The following WWC1 variants were observed in gnomAD, a reference collection of about 807,000 sequenced individuals.
The protein encoded by WWC1 is WW and C2 domain containing 1.
WWC1 carries 55 observed loss-of-function variants against 138.4 expected under a neutral mutation model. That is an observed-to-expected ratio of 0.40 (90% confidence interval 0.32 to 0.50). WWC1 has a LOEUF of 0.50. WWC1 is among the 20% of genes least tolerant of loss of function. WWC1 has a pLI of 0.72. For synonymous variants in WWC1, 524 were observed against 564.9 expected (o/e 0.93, Z 1.03); for missense variants, 1,226 against 1,420.4 (o/e 0.86, Z 2.20).
At chr5:168,403,187 T>A (rs571317456) in intron 5 of WWC1, among the ~76,000 whole-genome samples, 2 of 152,058 alleles carry the variant, frequency 1.3e-5, no homozygotes, top group South Asian at 2.1e-4. Flanking sequence ...AACCTCCGCC[T>A]CCCAGGTCCA....
intron 2 of WWC1, among the ~76,000 whole-genome samples, chr5:168,382,449 T>C (rs1777712582): frequency 6.6e-6 from 1 of 152,246 alleles, no homozygotes; most frequent in Admixed American, 6.5e-5. Context: ...TTTTGTACTT[T>C]TCATTATTTT....
intron 1 of WWC1, among the ~76,000 whole-genome samples, chr5:168,363,654 T>C (rs533401107): frequency 2.8e-4 from 42 of 150,930 alleles, no homozygotes; most frequent in Non-Finnish European, 5.3e-4. Flanking sequence ...AGTTTCCCCA[T>C]CATGAAAATC....
intron 1 of WWC1, among the ~76,000 whole-genome samples, chr5:168,353,532 C>T (rs2152791816): frequency 6.6e-6 from 1 of 152,352 alleles, no homozygotes; most frequent in East Asian, 1.9e-4. Flanking sequence ...AATGGCATGC[C>T]AGCCTCTGTC....
intron 1 of WWC1, among the ~76,000 whole-genome samples, chr5:168,299,311 G>A (rs1769844992): frequency 6.6e-6 from 1 of 152,124 alleles, no homozygotes; most frequent in Non-Finnish European, 1.5e-5. Flanking sequence ...TGGATCTCAG[G>A]GAGAGACTTT....
chr5:168,359,023 G>T (rs995628801), intron 1 of WWC1, among the ~76,000 whole-genome samples: 5 of 127,188 alleles, frequency 3.9e-5, no homozygotes, highest in South Asian at 2.9e-4. Flanking sequence ...GTTGTTGTTG[G>T]TGGTGGTGGG....
chr5:168,428,419 C>A (rs3733983), intron 12 of WWC1, among the ~76,000 whole-genome samples: 10,855 of 151,932 alleles, frequency 0.071, 985 homozygotes, highest in East Asian at 0.36. Flanking sequence ...AAGGGAAGGC[C>A]CCTTAAGAGA....
intron 1 of WWC1, among the ~76,000 whole-genome samples, chr5:168,356,932 G>A (rs537527458): frequency 1.3e-5 from 2 of 152,222 alleles, no homozygotes; most frequent in South Asian, 4.1e-4. Flanking sequence ...TAGGGCCCTG[G>A]GAGCCCTGTC....
At chr5:168,346,936 G>A (rs949110225) in intron 1 of WWC1, among the ~76,000 whole-genome samples, 2 of 152,176 alleles carry the variant, frequency 1.3e-5, no homozygotes, top group Non-Finnish European at 2.9e-5. Context: ...AGGGTCTCTT[G>A]AGGGTCTTAG....
At chr5:168,414,679 C>T (rs919423304) in intron 9 of WWC1, 89 bp downstream of exon 9, 29 of 1,440,242 alleles carry the variant, frequency 2.0e-5, no homozygotes, top group African/African-American at 5.7e-5. Flanking sequence ...GAGGGGGCTC[C>T]GGGCCCCTGG....
intron 1 of WWC1, among the ~76,000 whole-genome samples, chr5:168,353,026 CATT>C (rs1436762082): frequency 3.3e-4 from 51 of 152,316 alleles, no homozygotes; most frequent in African/African-American, 1.1e-3. Flanking sequence ...TTGTTGCTAT[CATT>C]GTTACTAATG....
chr5:168,419,742 G>A (rs924218426), intron 9 of WWC1, among the ~76,000 whole-genome samples: 6 of 152,196 alleles, frequency 3.9e-5, no homozygotes, highest in African/African-American at 1.4e-4. Flanking sequence ...GCTCGATAGG[G>A]CCCTTTATTT....
chr5:168,389,083 T>C (rs1778264048), intron 3 of WWC1, among the ~76,000 whole-genome samples: 1 of 152,160 alleles, frequency 6.6e-6, no homozygotes, highest in South Asian at 2.1e-4. Flanking sequence ...TCAAATTTTC[T>C]ATAGATAAGA....
intron 1 of WWC1, among the ~76,000 whole-genome samples, chr5:168,343,822 A>G (rs1248434915): frequency 6.6e-6 from 1 of 151,850 alleles, no homozygotes; most frequent in Non-Finnish European, 1.5e-5. Flanking sequence ...GTCTCAAAAA[A>G]AAAAAAAAAA....
chr5:168,437,273 T>C (rs1021440870), intron 15 of WWC1, among the ~76,000 whole-genome samples: 2 of 152,186 alleles, frequency 1.3e-5, no homozygotes, highest in African/African-American at 4.8e-5. Flanking sequence ...TTCCCTGTAG[T>C]ATTTTCCCTA....
intron 1 of WWC1, among the ~76,000 whole-genome samples, chr5:168,353,137 C>T (rs1775118122): frequency 6.6e-6 from 1 of 152,188 alleles, no homozygotes; most frequent in South Asian, 2.1e-4. Context: ...CTCCCTCCCA[C>T]TCTGAACCCC....
chr5:168,465,576 T>TTTTTGG (rs1554118704), intron 21 of WWC1, among the ~76,000 whole-genome samples: 1 of 136,130 alleles, frequency 7.3e-6, no homozygotes, highest in African/African-American at 2.9e-5. Flanking sequence ...TTTTTTTTTT[T>TTTTTGG]GGAGATGGGT....
chr5:168,427,950 C>T lies in WWC1; in HGVS notation c.1811-83C>T, dbSNP rs1016483872. ...CACTCCAGCCTGGATGAGTGAGACC[C>T]TGCCTCAAAAACAAAACAAAATTGG... On this transcript the variant is annotated intron_variant, in intron 11 of 22. Coordinates refer to ENST00000265293, the MANE Select transcript of WWC1 (RefSeq NM_015238.3). The T allele has an allele frequency of 3.4e-6, 4 of 1,163,958 alleles. No homozygotes were observed. The East Asian group carries it at 1.0e-4, about 29-fold the overall frequency. 72.1% of individuals were successfully genotyped at this position (1,163,958 alleles called of 1,614,324 possible). A position where few individuals can be genotyped will look rare whatever the true frequency, so the allele number is the denominator to read the frequency against.
intron 1 of WWC1, among the ~76,000 whole-genome samples, chr5:168,366,657 C>T (rs1175392214): frequency 6.6e-6 from 1 of 152,054 alleles, no homozygotes; most frequent in Non-Finnish European, 1.5e-5. Flanking sequence ...GACATCTCAA[C>T]GTGTAAGGCT....
At chr5:168,434,445 C>T (rs1032078802) in intron 15 of WWC1, among the ~76,000 whole-genome samples, 2 of 152,180 alleles carry the variant, frequency 1.3e-5, no homozygotes, top group African/African-American at 4.8e-5. Flanking sequence ...AGCCAGGCAG[C>T]AACAGCATCT....
Sources: gnomAD v4.1 joint callset for allele counts (sites outside exome capture counted in the v4.1 genomes callset) on GRCh38, gnomAD v4.1.1 for gene constraint, MANE v1.5 for transcripts, NCBI Gene and HGNC (gene_info 2026-07-23, HGNC 2026-07-21) for gene names.